ZAP70: variants seen among roughly 807,000 people sequenced by gnomAD.
ZAP70 encodes the protein zeta chain of T cell receptor associated protein kinase 70.
A neutral mutation model predicts 65.8 loss-of-function variants in ZAP70; 27 were observed. The ratio of observed to expected loss-of-function variants is 0.41; its 90% CI spans 0.30 to 0.57. The LOEUF (loss-of-function observed/expected upper bound fraction) is 0.57, where lower values mean the gene tolerates loss of function less well. ZAP70 is among the 20% of genes least tolerant of loss of function. ZAP70 has a pLI of 0.28. For synonymous variants in ZAP70, 363 were observed against 360.8 expected (o/e 1.01, Z -0.07); for missense variants, 696 against 870.5 (o/e 0.80, Z 2.52).
Position 97,739,594 on chromosome 2 carries a change from T to C in ZAP70, c.*96T>C, listed in dbSNP as rs939780102. On this transcript the variant is annotated 3_prime_UTR_variant, in exon 14 of 14. Transcript: ENST00000264972. Reference sequence around the variant, plus strand: ...TCTGGCTGAGCCCTGCTTGGTTGTCTCCACACACAGCTGGGCTGTGGTAGG... The same window carrying C: ...TCTGGCTGAGCCCTGCTTGGTTGTCCCCACACACAGCTGGGCTGTGGTAGG... The C allele has an allele frequency of 6.6e-7, 1 of 1,510,478 alleles. No homozygotes were observed. The highest frequency in any genetic ancestry group is 1.4e-5 in the African/African-American group (1 of 72,590). The allele number at this position is 1,510,478 out of a possible 1,614,324, so 93.6% of individuals were successfully genotyped here. A position where few individuals can be genotyped will look rare whatever the true frequency, so the allele number is the denominator to read the frequency against.
intron 2 of ZAP70, among the ~76,000 whole-genome samples, chr2:97,718,297 C>T (rs952282459): frequency 2.0e-5 from 3 of 152,158 alleles, no homozygotes; most frequent in East Asian, 1.9e-4. Context: ...AGCTCTAGAT[C>T]GGTGCAGCTC....
intron 4 of ZAP70, among the ~76,000 whole-genome samples, chr2:97,727,604 A>G (rs1677441286): frequency 6.6e-6 from 1 of 152,208 alleles, no homozygotes; most frequent in Non-Finnish European, 1.5e-5. Flanking sequence ...CCCAGGCTGG[A>G]CACGCGAAGA....
At chr2:97,726,004 T>G (rs1677375198) in intron 4 of ZAP70, among the ~76,000 whole-genome samples, 1 of 151,922 alleles carries the variant, frequency 6.6e-6, no homozygotes, top group African/African-American at 2.4e-5. Context: ...TGAGGTGGGA[T>G]CCCCGGGAGA....
Position 97,735,107 on chromosome 2 carries a change from G to A in ZAP70, c.1083-143G>A, listed in dbSNP as rs1020250247. 8.7e-5 allele frequency: 85 copies of A among 975,830 alleles called. No individual in the cohort carries two copies. In the Middle Eastern group the frequency reaches 1.8e-3, roughly 21 times the overall value. The allele number at this position is 975,830 out of a possible 1,614,324, so 60.4% of individuals were successfully genotyped here. On this transcript the variant is annotated intron_variant, in intron 9 of 13. Coordinates refer to ENST00000264972, the MANE Select transcript of ZAP70 (RefSeq NM_001079.4). The stretch of plus-strand genomic sequence containing the variant: ...AGACGCTCCAGGCTGCAGGGACATT[G>A]AGCGCCTTGGTCCCAGCCTGGGTGG...
rs752308469 is a variant in ZAP70, at chr2:97,737,780, G to A, written c.1506G>A (p.Pro502=). The part of the protein sequence containing the change: ...YYTARSAGKW[P]LKWYAPECIN... ...AGGCCCGCTCAGCAGGGAAGTGGCCGCTCAAGTGGTACGCACCCGAATGCA... is the reference window on the plus strand; with the variant it reads ...AGGCCCGCTCAGCAGGGAAGTGGCCACTCAAGTGGTACGCACCCGAATGCA... Residue 502 remains proline, a synonymous_variant, in exon 12 of 14, where the codon CCG becomes CCA. Transcript: ENST00000264972. The surrounding 1 kb of genome is among the most constrained non-coding windows in gnomAD (Gnocchi z 5.0). 5.0e-6 allele frequency: 8 copies of A among 1,614,124 alleles called. No homozygotes were observed. Among genetic ancestry groups the A allele is most frequent in the Admixed American group, 3.3e-5 (2 of 60,010 alleles).
At chr2:97,744,488 G>A (rs367731376), downstream of ZAP70, among the ~76,000 whole-genome samples, 9 of 152,294 alleles carry the variant, frequency 5.9e-5, 1 homozygote, top group Admixed American at 2.6e-4. Context: ...TTACCTTTCT[G>A]AGTAGTGATG....
At chr2:97,717,839 C>A in intron 2 of ZAP70, among the ~76,000 whole-genome samples, 1 of 152,298 alleles carries the variant, frequency 6.6e-6, no homozygotes, top group Non-Finnish European at 1.5e-5. Context: ...CTGCCTTTAC[C>A]CAGGGAGGCT....
intron 2 of ZAP70, among the ~76,000 whole-genome samples, chr2:97,721,663 AC>A (rs1677163103): frequency 7.2e-6 from 1 of 138,240 alleles, no homozygotes; most frequent in Admixed American, 8.1e-5. Context: ...TGGTCTCCTG[AC>A]CTTGTGATCC....
At chr2:97,754,620 C>G in the ZAP70 span, among the ~76,000 whole-genome samples, 1 of 152,168 alleles carries the variant, frequency 6.6e-6, no homozygotes, top group East Asian at 1.9e-4. Flanking sequence ...CCAGGGTAGT[C>G]TAGAACACCT....
In ZAP70 at chr2:97,735,293, G is replaced by T; in HGVS notation, c.1126G>T (p.Glu376Ter). 6 of 1,614,118 alleles carry T rather than the reference G, an allele frequency of 3.7e-6. No homozygotes were observed. Among genetic ancestry groups the T allele is most frequent in the Non-Finnish European group, 5.1e-6 (6 of 1,179,972 alleles). Residue 376 changes from glutamate to a stop codon, truncating the protein, a stop_gained, in exon 10 of 14, where the codon GAG becomes TAG. Transcript: ENST00000264972. LOFTEE classifies it high-confidence loss of function. ...VAIKVLKQGT[E>*]KADTEEMMRE... is the part of the protein sequence containing the mutation. ...CATCAAGGTGCTGAAGCAGGGCACG[G>T]AGAAGGCAGACACGGAAGAGATGAT...
intron 2 of ZAP70, 72 bp from the exon 3 acceptor site, chr2:97,723,944 C>A: frequency 2.0e-6 from 3 of 1,502,254 alleles, no homozygotes; most frequent in Admixed American, 2.0e-5. Flanking sequence ...GCGTCTCTCG[C>A]GCCGTCTTTG....
intron 2 of ZAP70, among the ~76,000 whole-genome samples, chr2:97,717,423 T>C (rs1343810349): frequency 7.9e-6 from 1 of 126,664 alleles, no homozygotes; most frequent in African/African-American, 3.2e-5. Flanking sequence ...AGCCTCTGGC[T>C]GGGGTGACAT....
chr2:97,724,746 G>T, intron 3 of ZAP70: 1 of 1,505,494 alleles, frequency 6.6e-7, no homozygotes, highest in Non-Finnish European at 8.9e-7. Flanking sequence ...GCTGAGAGGA[G>T]GGTGCGCGGG....
chr2:97,721,214 C>T (rs1677139739), intron 2 of ZAP70, among the ~76,000 whole-genome samples: 1 of 152,206 alleles, frequency 6.6e-6, no homozygotes, highest in Non-Finnish European at 1.5e-5. Context: ...TGCTTTATCA[C>T]ATACAGTTGA....
intron 2 of ZAP70, among the ~76,000 whole-genome samples, chr2:97,722,504 G>C (rs2104656585): frequency 6.6e-6 from 1 of 152,312 alleles, no homozygotes; most frequent in Non-Finnish European, 1.5e-5. Context: ...GCCTTATGGA[G>C]AAAACATGTC....
chr2:97,715,544 C>A lies in ZAP70; in HGVS notation c.-22+1550C>A, dbSNP rs1469895301. Among the ~76,000 whole-genome samples, 1 of 152,144 alleles carries A rather than the reference C, an allele frequency of 6.6e-6. No homozygotes were observed. Among genetic ancestry groups the A allele is most frequent in the African/African-American group, 2.4e-5 (1 of 41,436 alleles). On this transcript the variant is annotated intron_variant, in intron 2 of 13. Transcript: ENST00000264972. This position sits in a 1 kb window ranked among gnomAD's most constrained non-coding sequence, Gnocchi z 4.1. ...GGAGGGGCGGTGGAAGGGCATTGTT[C>A]AATCAACAGACACTTGGAGAGTGTG...
In ZAP70 at chr2:97,733,190, C is replaced by G. The variant is rs1677686439; in HGVS notation, c.768C>G (p.Asn256Lys). 7 of 1,613,724 alleles carry G rather than the reference C, an allele frequency of 4.3e-6. No individual in the cohort carries two copies. Among genetic ancestry groups the G allele is most frequent in the Non-Finnish European group, 5.9e-6 (7 of 1,179,902 alleles). Reference sequence around the variant, plus strand: ...ACTGCCTGAAGGAGGCCTGCCCCAACAGCAGTGCCAGCAACGCCTCAGGTG... The same window carrying G: ...ACTGCCTGAAGGAGGCCTGCCCCAAGAGCAGTGCCAGCAACGCCTCAGGTG... ...LIYCLKEACP[N>K]SSASNASGAA... The change falls in exon 6 of 14, where the codon AAC (asparagine) becomes AAG (lysine). Residue 256 changes from asparagine to lysine, a missense_variant. Around this residue, in one of 3 missense-constraint regions of ZAP70, gnomAD observed 551 missense variants for 630.0 expected, o/e 0.87. Transcript: ENST00000264972.
At position 97,733,286 on chromosome 2, in the gene ZAP70, T is replaced by C. The variant is rs751464383; in HGVS notation, c.791-11T>C. 2 of 1,607,458 alleles carry C rather than the reference T, an allele frequency of 1.2e-6. No individual in the cohort carries two copies. The highest frequency in any genetic ancestry group is 8.5e-7 in the Non-Finnish European group (1 of 1,176,430). ...GGCCCCCAGCCCTCACTGTCCCTTC[T>C]GCTCCCCCAGGGGCTGCTGCTCCCA... On this transcript the variant is annotated splice_polypyrimidine_tract_variant and intron_variant, in intron 6 of 13. Coordinates refer to ENST00000264972, the MANE Select transcript of ZAP70 (RefSeq NM_001079.4).
In ZAP70 at chr2:97,724,044, A is replaced by G; in HGVS notation, c.8A>G (p.Asp3Gly). ...TCGGGAGGCCCAGGGGCGATGCCAGACCCCGCGGCGCACCTGCCCTTCTTC... is the reference window on the plus strand; with the variant it reads ...TCGGGAGGCCCAGGGGCGATGCCAGGCCCCGCGGCGCACCTGCCCTTCTTC... The part of the protein sequence containing the change: MP[D>G]PAAHLPFFYG... The change falls in exon 3 of 14, where the codon GAC becomes GGC. Residue 3 changes from aspartate (D) to glycine (G), a missense_variant. Asp to Gly is a moderately conservative substitution (Grantham distance 94, BLOSUM62 -1). Around this residue, in one of 3 missense-constraint regions of ZAP70, gnomAD observed 551 missense variants for 630.0 expected, o/e 0.87. Coordinates refer to ENST00000264972, the MANE Select transcript of ZAP70 (RefSeq NM_001079.4). 6.4e-7 allele frequency: 1 copy of G among 1,550,990 alleles called. No homozygotes were observed. Among genetic ancestry groups the G allele is most frequent in the Admixed American group, 1.9e-5 (1 of 53,074 alleles).
Sources: gnomAD v4.1 joint callset for allele counts (sites outside exome capture counted in the v4.1 genomes callset) on GRCh38, gnomAD v4.1.1 for gene constraint, gnomAD v4.1.1 regional missense constraint, Gnocchi (gnomAD v3.1) non-coding constraint, MANE v1.5 for transcripts, NCBI Gene and HGNC (gene_info 2026-07-23, HGNC 2026-07-21) for gene names.